ENPP3: variants seen among roughly 807,000 people sequenced by gnomAD.
The protein encoded by ENPP3 is ectonucleotide pyrophosphatase/phosphodiesterase 3, also known as ectonucleotide pyrophosphatase/phosphodiesterase family member 3.
Under a neutral mutation model 117.8 loss-of-function variants are expected in ENPP3, and 104 were observed. The observed-to-expected ratio is 0.88, with a 90% CI of 0.75 to 1.04. ENPP3 has a LOEUF of 1.04. Ranked by LOEUF, ENPP3 falls within the 50% of genes least tolerant of loss-of-function variation. ENPP3 has a pLI of 0.00. For synonymous variants in ENPP3, 380 were observed against 349.9 expected, an observed-to-expected ratio of 1.09 and a Z score of -0.96; for missense variants, 1,026 against 1,051.9, an observed-to-expected ratio of 0.98 and a Z score of 0.34.
Position 131,747,004 on chromosome 6 carries a change from G to A in ENPP3, c.*48G>A, listed in dbSNP as rs1289001162. 1 of 1,089,150 alleles carries A rather than the reference G, an allele frequency of 9.2e-7. No homozygotes were observed. The highest frequency in any genetic ancestry group is 2.4e-5 in the South Asian group (1 of 41,244). The allele number at this position is 1,089,150 out of a possible 1,614,324, so 67.5% of individuals were successfully genotyped here. On this transcript the variant is annotated 3_prime_UTR_variant, in exon 25 of 25. Coordinates refer to ENST00000357639, the MANE Select transcript of ENPP3 (RefSeq NM_005021.5). ...ATAATTTACTGTATAAAGTAATTTT[G>A]GCAAAATATAAGTGATTTTTTTCTG...
intron 1 of ENPP3, among the ~76,000 whole-genome samples, chr6:131,639,092 C>G (rs1390185356): frequency 6.6e-6 from 1 of 151,988 alleles, no homozygotes; most frequent in African/African-American, 2.4e-5. Context: ...TATTCTCTGT[C>G]TCTCCAGAAT....
Position 131,650,084 on chromosome 6 carries a change from G to A in ENPP3, c.212G>A (p.Cys71Tyr). 2 of 1,614,058 alleles carry A rather than the reference G, an allele frequency of 1.2e-6. No individual in the cohort carries two copies. The highest frequency in any genetic ancestry group is 1.3e-5 in the African/African-American group (1 of 75,028). The change falls in exon 3 of 25, where the codon TGT (cysteine) becomes TAT (tyrosine). Residue 71 changes from cysteine to tyrosine, a missense_variant. Transcript: ENST00000357639. Reference protein sequence around the residue: ...ASFRGLENCRCDVACKDRGDC... With the variant: ...ASFRGLENCRYDVACKDRGDC... Reference sequence around the variant, plus strand: ...TTTAGAGGACTGGAGAACTGCCGGTGTGATGTGGCATGTAAAGACCGAGGT... The same window carrying A: ...TTTAGAGGACTGGAGAACTGCCGGTATGATGTGGCATGTAAAGACCGAGGT...
rs1463685909 is a variant in ENPP3 at position 131,722,265 on chromosome 6, C to T, written c.1606C>T (p.His536Tyr). 3.1e-6 allele frequency: 5 copies of T among 1,613,866 alleles called. No individual in the cohort carries two copies. The South Asian group carries it at 4.4e-5, about 14-fold the overall frequency. The stretch of plus-strand genomic sequence containing the variant: ...TCAACCAGCACCAAACAATGGAACC[C>T]ATGGTAGTTTAAACCATCTTCTGAA... ...RIQPAPNNGT[H>Y]GSLNHLLKVP... Residue 536 changes from histidine (H) to tyrosine (Y), a missense_variant, in exon 18 of 25, where the codon CAT becomes TAT. Physicochemically the swap from His to Tyr is moderately conservative, Grantham distance 83. Transcript: ENST00000357639.
intron 17 of ENPP3, among the ~76,000 whole-genome samples, 179 bp downstream of exon 17, chr6:131,720,558 C>A (rs1292585994): frequency 1.3e-5 from 2 of 152,016 alleles, no homozygotes; most frequent in African/African-American, 4.8e-5. Flanking sequence ...AGAGTGAATT[C>A]TTTTTGTTTT....
intron 24 of ENPP3, among the ~76,000 whole-genome samples, chr6:131,744,824 CA>C (rs1780600240): frequency 6.6e-6 from 1 of 152,028 alleles, no homozygotes; most frequent in Non-Finnish European, 1.5e-5. Context: ...CACACACACA[CA>C]CACACACACA....
intron 18 of ENPP3, 106 bp downstream of exon 18, chr6:131,722,511 G>A (rs764797242): frequency 5.6e-5 from 47 of 835,262 alleles, no homozygotes; most frequent in Non-Finnish European, 7.7e-6. Context: ...GTTCCGCCTT[G>A]GATATTTACT....
chr6:131,641,257 A>G (rs1275180119), intron 1 of ENPP3, among the ~76,000 whole-genome samples, 198 bp from the exon 2 acceptor site: 1 of 152,058 alleles, frequency 6.6e-6, no homozygotes, highest in Non-Finnish European at 1.5e-5. Flanking sequence ...TTCTGCCAAA[A>G]TATTCTTTCT....
In ENPP3 at chr6:131,683,139, A is replaced by G. The variant is rs548057718; in HGVS notation, c.1097A>G (p.Asn366Ser). The change falls in exon 12 of 25, where the codon AAT (asparagine) becomes AGT (serine). Residue 366 changes from asparagine to serine, a missense_variant. Transcript: ENST00000357639. ...CAGCGGAATTTGCACAACTGTGTCA[A>G]TATCATCCTTCTGGCTGACCATGGT... The part of the protein sequence containing the change: ...LKQRNLHNCV[N>S]IILLADHGMD... 7.5e-6 allele frequency: 12 copies of G among 1,604,526 alleles called. No individual in the cohort carries two copies. The African/African-American group carries it at 1.2e-4, about 16-fold the overall frequency.
chr6:131,676,861 G>GTTTT, intron 10 of ENPP3, 60 bp downstream of exon 10: 17 of 864,946 alleles, frequency 2.0e-5, no homozygotes, highest in Admixed American at 1.0e-4. Context: ...AAAAAATGAA[G>GTTTT]TTTTTTTTTT....
At chr6:131,690,124 A>C (rs1779244347) in intron 14 of ENPP3, among the ~76,000 whole-genome samples, 1 of 152,258 alleles carries the variant, frequency 6.6e-6, no homozygotes, top group Non-Finnish European at 1.5e-5. Context: ...AAGACAACAA[A>C]GGATTTAAAT....
intron 5 of ENPP3, among the ~76,000 whole-genome samples, chr6:131,655,575 G>C (rs1778368447): frequency 1.3e-5 from 2 of 152,196 alleles, no homozygotes; most frequent in African/African-American, 4.8e-5. Flanking sequence ...AGAATTGTTT[G>C]AGGCACCAAG....
intron 15 of ENPP3, among the ~76,000 whole-genome samples, chr6:131,699,187 G>A (rs186934746): frequency 1.9e-3 from 256 of 132,560 alleles, no homozygotes; most frequent in Admixed American, 0.016. Context: ...GCGGTGAGCC[G>A]AGATTGCACC....
At chr6:131,719,535 T>C (rs1046247476) in intron 16 of ENPP3, among the ~76,000 whole-genome samples, 1 of 152,178 alleles carries the variant, frequency 6.6e-6, no homozygotes, top group Non-Finnish European at 1.5e-5. Context: ...AAACGATCTC[T>C]GGAGAAAGAG....
intron 2 of ENPP3, among the ~76,000 whole-genome samples, chr6:131,646,269 A>G (rs998196605): frequency 2.1e-4 from 28 of 132,202 alleles, no homozygotes; most frequent in Non-Finnish European, 3.7e-4. Context: ...GAGGCTCTCA[A>G]TACTCTGTGT....
rs143300279 is a variant in ENPP3 at position 131,724,055 on chromosome 6, C to G, written c.1762C>G (p.Gln588Glu). The G allele has an allele frequency of 1.9e-4, 311 of 1,611,902 alleles. 2 individuals carry two copies. In the Middle Eastern group the frequency reaches 4.3e-3, roughly 22 times the overall value. Residue 588 changes from glutamine to glutamate, a missense_variant, in exon 19 of 25, where the codon CAA (glutamine) becomes GAA (glutamate). By Grantham distance (29) the Gln-to-Glu change is conservative. Coordinates refer to ENST00000357639, the MANE Select transcript of ENPP3 (RefSeq NM_005021.5). Reference protein sequence around the residue: ...PHLQNSTQLEQVNQMLNLTQE... With the variant: ...PHLQNSTQLEEVNQMLNLTQE... ...TATCTTGCAGAGTACTCAGCTGGAACAAGTGAATCAGATGCTAAATCTCAC... is the reference window on the plus strand; with the variant it reads ...TATCTTGCAGAGTACTCAGCTGGAAGAAGTGAATCAGATGCTAAATCTCAC...
Position 131,710,920 on chromosome 6 carries a change from T to G in ENPP3, c.1413-7752T>G, listed in dbSNP as rs1178166487. 2 of 1,594,320 alleles carry G rather than the reference T, an allele frequency of 1.3e-6. No homozygotes were observed. Among genetic ancestry groups the G allele is most frequent in the Non-Finnish European group, 8.5e-7 (1 of 1,178,978 alleles). On this transcript the variant is annotated intron_variant, in intron 15 of 24. Coordinates refer to ENST00000357639, the MANE Select transcript of ENPP3 (RefSeq NM_005021.5). Reference sequence around the variant, plus strand: ...CGATGGAAAACCATAAGGATTCTCATCTGGTCTCATACTCTCAGGTAGTGC... The same window carrying G: ...CGATGGAAAACCATAAGGATTCTCAGCTGGTCTCATACTCTCAGGTAGTGC...
At chr6:131,683,288 G>A in intron 12 of ENPP3, 126 bp downstream of exon 12, 2 of 593,556 alleles carry the variant, frequency 3.4e-6, no homozygotes, top group South Asian at 4.2e-5. Flanking sequence ...GAAGAAGCAA[G>A]GAATGAATTG....
At position 131,737,408 on chromosome 6, in the gene ENPP3, G is replaced by C. The variant is rs779507152; in HGVS notation, c.2143G>C (p.Val715Leu). Residue 715 changes from valine to leucine, a missense_variant, in exon 22 of 25, where the codon GTA (valine) becomes CTA (leucine). By Grantham distance (32) the Val-to-Leu change is conservative (BLOSUM62 1). Coordinates refer to ENST00000357639, the MANE Select transcript of ENPP3 (RefSeq NM_005021.5). Reference sequence around the variant, plus strand: ...TGATGCTTTAATTACTAGCAATTTGGTACCTATGTATGAAGAATTCAGAAG... The same window carrying C: ...TGATGCTTTAATTACTAGCAATTTGCTACCTATGTATGAAGAATTCAGAAG... Reference protein sequence around the residue: ...QYDALITSNLVPMYEEFRKMW... With the variant: ...QYDALITSNLLPMYEEFRKMW... 2 of 1,598,754 alleles carry C rather than the reference G, an allele frequency of 1.3e-6. No individual in the cohort carries two copies. Among genetic ancestry groups the C allele is most frequent in the Non-Finnish European group, 1.7e-6 (2 of 1,167,458 alleles).
Position 131,670,583 on chromosome 6 carries a change from T to C in ENPP3, c.563-665T>C, listed in dbSNP as rs1260673757. Among the ~76,000 whole-genome samples the C allele has an allele frequency of 3.9e-5, 6 of 152,306 alleles. No individual in the cohort carries two copies. The East Asian group carries it at 1.2e-3, about 29-fold the overall frequency. ...ACAGCTCACTGCCGTCTCCATCTCC[T>C]GAGCTCAAACAATCCTCCCACCTCA... On this transcript the variant is annotated intron_variant, in intron 6 of 24. Coordinates refer to ENST00000357639, the MANE Select transcript of ENPP3 (RefSeq NM_005021.5).
Sources: allele counts gnomAD v4.1 joint callset (sites outside exome capture counted in the v4.1 genomes callset), GRCh38; gene constraint gnomAD v4.1.1; transcripts MANE v1.5; gene names NCBI Gene and HGNC (gene_info 2026-07-23, HGNC 2026-07-21).